Variants in XAB2 observed in about 807,000 individuals in gnomAD.
XAB2 encodes pre-mRNA-splicing factor SYF1.
In XAB2, 57 loss-of-function variants were observed where a neutral mutation model predicts 113.4. The observed-to-expected ratio is 0.50, with a 90% confidence interval of 0.41 to 0.63. The LOEUF (loss-of-function observed/expected upper bound fraction) is 0.63. Among genes scored for constraint, XAB2 ranks in the 20% least tolerant of loss-of-function variants. The pLI is 0.00. For missense variants in XAB2, 1,037 were observed against 1,233.3 expected, an observed-to-expected ratio of 0.84 and a Z score of 2.38; for synonymous variants, 497 against 498.8, an observed-to-expected ratio of 1.00 and a Z score of 0.05.
chr19:7,627,262 C>G lies in XAB2; in HGVS notation c.503G>C (p.Gly168Ala), dbSNP rs755818667. 1.9e-6 allele frequency: 3 copies of G among 1,613,242 alleles called. No individual in the cohort carries two copies. The highest frequency in any genetic ancestry group is 2.5e-6 in the Non-Finnish European group (3 of 1,180,002). ...SHPLPETAVR[G>A]YRRFLKLSPE... ...GCTCACCTTGAGGAAGCGCCGATAG[C>G]CTCGCACAGCTGTCTCAGGCAGTGG... The change falls in exon 4 of 19, where the codon GGC becomes GCC. Residue 168 changes from glycine (G) to alanine (A), a missense_variant. Transcript: ENST00000358368. This position sits in a 1 kb window ranked among gnomAD's most constrained non-coding sequence, Gnocchi z 4.5.
At position 7,619,972 on chromosome 19, in the gene XAB2, G is replaced by A. The variant is rs1440297065; in HGVS notation, c.2370C>T (p.Arg790=). 9.3e-6 allele frequency: 15 copies of A among 1,611,850 alleles called. No individual in the cohort carries two copies. Among genetic ancestry groups the A allele is most frequent in the East Asian group, 2.2e-5 (1 of 44,892 alleles). The change falls in exon 17 of 19, where the codon CGC becomes CGT. Residue 790 remains arginine (R), a synonymous_variant. Transcript: ENST00000358368. The part of the protein sequence containing the change: ...AAEAERDQPL[R]AQSKILFVRS... ...TCACGAACAGGATCTTGCTCTGGGC[G>A]CGCAAGGGCTGGTCACGCTCCGCCT... is the stretch of plus-strand genomic sequence containing the variant.
rs766487869 is a variant in XAB2, at chr19:7,627,902, C to G, written c.201-51G>C. 16 of 1,587,684 alleles carry G rather than the reference C, an allele frequency of 1.0e-5. No individual in the cohort carries two copies. Among genetic ancestry groups the G allele is most frequent in the Non-Finnish European group, 1.4e-5 (16 of 1,162,022 alleles). On this transcript the variant is annotated intron_variant, in intron 2 of 18. Coordinates refer to ENST00000358368, the MANE Select transcript of XAB2 (RefSeq NM_020196.3). The surrounding 1 kb of genome is among the most constrained non-coding windows in gnomAD (Gnocchi z 4.5). ...TGATCGGTCAGCTTTATGGACACCC[C>G]CAGAACCATTTGCCCTGCCCCAGTT...
intron 13 of XAB2, 29 bp downstream of exon 13, chr19:7,621,106 A>AGCCCCCAGCCCCCCCCCCCC: frequency 1.5e-6 from 1 of 677,184 alleles, no homozygotes; most frequent in South Asian, 2.1e-5. Flanking sequence ...CCCGCCCGCC[A>AGCCCCCAGCCCCCCCCCCCC]CCCCCCCCAT....
chr19:7,620,220 T>A, intron 16 of XAB2, 55 bp downstream of exon 16: 1 of 1,608,080 alleles, frequency 6.2e-7, no homozygotes, highest in Non-Finnish European at 8.5e-7. Flanking sequence ...AAAGCCCAGG[T>A]CAGGCCGGGC....
rs1045757345 is a variant in XAB2 at position 7,625,351 on chromosome 19, G to A, written c.822+529C>T. On this transcript the variant is annotated intron_variant, in intron 6 of 18. Transcript: ENST00000358368. This position sits in a 1 kb window ranked among gnomAD's most constrained non-coding sequence, Gnocchi z 5.2. Reference sequence around the variant, plus strand: ...GGGGCCAAGGCCGCAGAGCCAGAGGGTGAACCCTGAACGCAAATGTGGCTG... The same window carrying A: ...GGGGCCAAGGCCGCAGAGCCAGAGGATGAACCCTGAACGCAAATGTGGCTG... Among the ~76,000 whole-genome samples the A allele has an allele frequency of 6.6e-6, 1 of 152,218 alleles. No individual in the cohort carries two copies. The highest frequency in any genetic ancestry group is 2.4e-5 in the African/African-American group (1 of 41,460).
chr19:7,622,713 T>C (rs1367990172), intron 10 of XAB2, 49 bp downstream of exon 10: 5 of 1,612,714 alleles, frequency 3.1e-6, no homozygotes, highest in East Asian at 4.5e-5. Flanking sequence ...TCCCTGGCCC[T>C]TGCCCTACAA....
At position 7,627,854 on chromosome 19, in the gene XAB2, G is replaced by A. The variant is rs373966331; in HGVS notation, c.201-3C>T. The A allele has an allele frequency of 1.2e-6, 2 of 1,611,970 alleles. No homozygotes were observed. The highest frequency in any genetic ancestry group is 2.7e-5 in the African/African-American group (2 of 74,894). On this transcript the variant is annotated splice_region_variant and splice_polypyrimidine_tract_variant and intron_variant, in intron 2 of 18. Transcript: ENST00000358368. This position sits in a 1 kb window ranked among gnomAD's most constrained non-coding sequence, Gnocchi z 4.5. ...GGTATCGGTACCAGAGTTTGTAGCTGGGGAATAGGAGGGGACAGATGCTGA... is the reference window on the plus strand; with the variant it reads ...GGTATCGGTACCAGAGTTTGTAGCTAGGGAATAGGAGGGGACAGATGCTGA...
chr19:7,626,388 A>C (rs907636064), intron 4 of XAB2, 118 bp from the exon 5 acceptor site: 8 of 1,436,044 alleles, frequency 5.6e-6, no homozygotes, highest in Non-Finnish European at 7.6e-6. Flanking sequence ...GGGCAAAAGC[A>C]AGCCCTGTCA....
rs867994333 is a variant in XAB2 at position 7,621,029 on chromosome 19, G to A, written c.1788C>T (p.Tyr596=). The change falls in exon 14 of 19, where the codon TAC becomes TAT. Residue 596 remains tyrosine (Y), a synonymous_variant. Coordinates refer to ENST00000358368, the MANE Select transcript of XAB2 (RefSeq NM_020196.3). ...CCTCCTCCAGCTGTGCGTACAGCAGGTACAAGGCTGGGCGGGGTAGGCGGG... is the reference window on the plus strand; with the variant it reads ...CCTCCTCCAGCTGTGCGTACAGCAGATACAAGGCTGGGCGGGGTAGGCGGG... ...GCPPKYAKTL[Y]LLYAQLEEEW... 9.7e-6 allele frequency: 15 copies of A among 1,554,244 alleles called. No homozygotes were observed. In the Middle Eastern group the frequency reaches 1.5e-3, roughly 150 times the overall value.
Position 7,620,496 on chromosome 19 carries a change from G to T in XAB2, c.2095-50C>A, listed in dbSNP as rs200696126. Reference sequence around the variant, plus strand: ...GGGTGTGTGTGCCCGTGAGCTGGCTGACTCCGCCGCAGCCCCCAACCCTGA... The same window carrying T: ...GGGTGTGTGTGCCCGTGAGCTGGCTTACTCCGCCGCAGCCCCCAACCCTGA... On this transcript the variant is annotated intron_variant, in intron 15 of 18. Transcript: ENST00000358368. 2.9e-5 allele frequency: 46 copies of T among 1,609,840 alleles called. No homozygotes were observed. The East Asian group carries it at 6.7e-4, about 23-fold the overall frequency.
rs752346208 is a variant in XAB2 at position 7,623,179 on chromosome 19, C to T, written c.1230G>A (p.Gln410=). The T allele has an allele frequency of 3.1e-6, 5 of 1,613,696 alleles. No homozygotes were observed. The South Asian group carries it at 5.5e-5, about 18-fold the overall frequency. Residue 410 remains glutamine, a synonymous_variant, in exon 9 of 19, where the codon CAG becomes CAA. Transcript: ENST00000358368. This position sits in a 1 kb window ranked among gnomAD's most constrained non-coding sequence, Gnocchi z 4.6. Reference sequence around the variant, plus strand: ...GCAACAGGGTGCTCACATCGTCCAGCTGTCCGTTGTCCTCATAAAACTTGG... The same window carrying T: ...GCAACAGGGTGCTCACATCGTCCAGTTGTCCGTTGTCCTCATAAAACTTGG... The part of the protein sequence containing the change: ...AFAKFYEDNG[Q]LDDARVILEK...
intron 4 of XAB2, among the ~76,000 whole-genome samples, chr19:7,626,554 C>T (rs2031144565): frequency 6.6e-6 from 1 of 151,654 alleles, no homozygotes; most frequent in African/African-American, 2.4e-5. Flanking sequence ...TTAGCCTTGA[C>T]CCGCAAGGGC....
chr19:7,623,704 G>A lies in XAB2; in HGVS notation c.1119+27C>T. 1.3e-6 allele frequency: 2 copies of A among 1,563,814 alleles called. No individual in the cohort carries two copies. Among genetic ancestry groups the A allele is most frequent in the Non-Finnish European group, 1.7e-6 (2 of 1,158,482 alleles). ...GTTCTGCAGGAAACTGGCCCTCAGGGGTAGGACTGGGGCAGGCTTCATGTA... is the reference window on the plus strand; with the variant it reads ...GTTCTGCAGGAAACTGGCCCTCAGGAGTAGGACTGGGGCAGGCTTCATGTA... On this transcript the variant is annotated intron_variant, in intron 8 of 18. Coordinates refer to ENST00000358368, the MANE Select transcript of XAB2 (RefSeq NM_020196.3). The surrounding 1 kb of genome is among the most constrained non-coding windows in gnomAD (Gnocchi z 4.6).
rs371940298 is a variant in XAB2 at position 7,621,422 on chromosome 19, C to G, written c.1618-125G>C. On this transcript the variant is annotated intron_variant, in intron 12 of 18. Transcript: ENST00000358368. Reference sequence around the variant, plus strand: ...CTCCCTTGGGGCCCTTCCCTGTCCACGCCTCCCTGTCCCTAATGGCAGTTG... The same window carrying G: ...CTCCCTTGGGGCCCTTCCCTGTCCAGGCCTCCCTGTCCCTAATGGCAGTTG... The G allele has an allele frequency of 3.2e-4, 337 of 1,051,078 alleles. 2 individuals are homozygous for G. Among genetic ancestry groups the G allele is most frequent in the Middle Eastern group, 1.9e-3 (9 of 4,668 alleles). The allele number at this position is 1,051,078 out of a possible 1,614,324, so 65.1% of individuals were successfully genotyped here.
At position 7,629,532 on chromosome 19, in the gene XAB2, C is replaced by T. The variant is rs774783356; in HGVS notation, c.-5G>A. ...GAGTCGCGCCATCACCACCATTTTT[C>T]TGGATGCCCAGGTACAGGAGAGAGT... is the stretch of plus-strand genomic sequence containing the variant. On this transcript the variant is annotated 5_prime_UTR_variant, in exon 1 of 19. Transcript: ENST00000358368. 6.2e-7 allele frequency: 1 copy of T among 1,604,008 alleles called. No individual in the cohort carries two copies. Among genetic ancestry groups the T allele is most frequent in the Non-Finnish European group, 8.5e-7 (1 of 1,175,530 alleles).
rs185125117 is a variant in XAB2, at chr19:7,621,285, C to T, written c.1630G>A (p.Gly544Ser). The T allele has an allele frequency of 8.1e-5, 130 of 1,612,796 alleles. No individual in the cohort carries two copies. Among genetic ancestry groups the T allele is most frequent in the Non-Finnish European group, 1.1e-4 (124 of 1,179,924 alleles). ...TTGGGCCACTTGAACAGCGAGATGC[C>T]GCGCTCGTACGCCTGTTACCAGAGG... ...FEESFKAYERGISLFKWPNVS... is the reference protein window; with the variant it reads ...FEESFKAYERSISLFKWPNVS... The change falls in exon 13 of 19, where the codon GGC becomes AGC. Residue 544 changes from glycine to serine, a missense_variant. Gly to Ser is a moderately conservative substitution (Grantham distance 56). Coordinates refer to ENST00000358368, the MANE Select transcript of XAB2 (RefSeq NM_020196.3).
In XAB2 at chr19:7,620,363, G is replaced by A; in HGVS notation, c.2178C>T (p.Ile726=). ...TGTACGTGGCCTGCACGCTGCGCCG[G>A]ATACGCAGCATTTCCTTGATGGTGT... ...NEDTIKEMLR[I]RRSVQATYNT... is the part of the protein sequence containing the mutation. Residue 726 remains isoleucine (I), a synonymous_variant, in exon 16 of 19, where the codon ATC becomes ATT. Coordinates refer to ENST00000358368, the MANE Select transcript of XAB2 (RefSeq NM_020196.3). 6.2e-7 allele frequency: 1 copy of A among 1,613,346 alleles called. No individual in the cohort carries two copies. Among genetic ancestry groups the A allele is most frequent in the South Asian group, 1.1e-5 (1 of 91,088 alleles).
At position 7,625,566 on chromosome 19, in the gene XAB2, C is replaced by A. The variant is rs2031122087; in HGVS notation, c.822+314G>T. Among the ~76,000 whole-genome samples, 1 of 151,392 alleles carries A rather than the reference C, an allele frequency of 6.6e-6. No individual in the cohort carries two copies. The highest frequency in any genetic ancestry group is 2.1e-4 in the South Asian group (1 of 4,798). Reference sequence around the variant, plus strand: ...CGATCGCAGCTCACGGCAACCTCCACCTCCCAAGTTCAAGCGATTCTCCTG... The same window carrying A: ...CGATCGCAGCTCACGGCAACCTCCAACTCCCAAGTTCAAGCGATTCTCCTG... On this transcript the variant is annotated intron_variant, in intron 6 of 18. Transcript: ENST00000358368. This position sits in a 1 kb window ranked among gnomAD's most constrained non-coding sequence, Gnocchi z 5.2.
At position 7,627,325 on chromosome 19, in the gene XAB2, C is replaced by T. The variant is rs201040075; in HGVS notation, c.440G>A (p.Arg147Gln). 9.3e-6 allele frequency: 15 copies of T among 1,613,802 alleles called. No individual in the cohort carries two copies. The highest frequency in any genetic ancestry group is 8.9e-5 in the East Asian group (4 of 44,888). The change falls in exon 4 of 19, where the codon CGA (arginine) becomes CAA (glutamine). Residue 147 changes from arginine to glutamine, a missense_variant. Coordinates refer to ENST00000358368, the MANE Select transcript of XAB2 (RefSeq NM_020196.3). This position sits in a 1 kb window ranked among gnomAD's most constrained non-coding sequence, Gnocchi z 4.5. ...GAAGCGCAGATACAGGGGCCAAATT[C>T]GAGAGTGCTGCGTGATGGGCAGTGC... ...LRALPITQHS[R>Q]IWPLYLRFLR...
Sources: gnomAD v4.1 joint callset for allele counts (sites outside exome capture counted in the v4.1 genomes callset) on GRCh38, gnomAD v4.1.1 for gene constraint, Gnocchi (gnomAD v3.1) non-coding constraint, MANE v1.5 for transcripts, NCBI Gene and HGNC (gene_info 2026-07-23, HGNC 2026-07-21) for gene names.